Variants in ECRG4 observed in about 807,000 individuals in gnomAD.
The protein encoded by ECRG4 is augurin.
Under a neutral mutation model 15.8 loss-of-function variants are expected in ECRG4, and 18 were observed. The ratio of observed to expected loss-of-function variants is 1.14; its 90% CI spans 0.79 to 1.69. The LOEUF (loss-of-function observed/expected upper bound fraction) is 1.69, where lower values mean the gene tolerates loss of function less well. Ranked by LOEUF, ECRG4 falls within the 40% of genes most tolerant of loss-of-function variation. The pLI is 0.00. For missense variants in ECRG4, 200 were observed against 190.9 expected, an observed-to-expected ratio of 1.05 and a Z score of -0.28; for synonymous variants, 82 against 73.9, an observed-to-expected ratio of 1.11 and a Z score of -0.56.
upstream of ECRG4, among the ~76,000 whole-genome samples, chr2:106,065,308 G>A (rs996966572): frequency 4.8e-5 from 7 of 147,160 alleles, no homozygotes; most frequent in African/African-American, 1.5e-4. Flanking sequence ...GGAGGAAGTG[G>A]GGGAGCCAAG....
chr2:106,071,048 T>C (rs1228057843), intron 1 of ECRG4: 1 of 470,850 alleles, frequency 2.1e-6, no homozygotes, highest in South Asian at 1.5e-5. Context: ...GAAACACTTT[T>C]AAAAGTGAAT....
intron 1 of ECRG4, among the ~76,000 whole-genome samples, chr2:106,071,372 AAAAT>A (rs1676369286): frequency 6.8e-6 from 1 of 147,858 alleles, no homozygotes; most frequent in African/African-American, 2.6e-5. Context: ...AAAAGAAAAG[AAAAT>A]AAAAAAAAAA....
Position 106,074,026 on chromosome 2 carries a change from A to G in ECRG4, c.268A>G (p.Met90Val), listed in dbSNP as rs1676429879. Residue 90 changes from methionine to valine, a missense_variant, in exon 3 of 4, where the codon ATG becomes GTG. Physicochemically the swap from Met to Val is conservative, Grantham distance 21 (BLOSUM62 1). Coordinates refer to ENST00000238044, the MANE Select transcript of ECRG4 (RefSeq NM_032411.3). ...GCAGTGGTACCAGCAGTTTCTCTAC[A>G]TGGGCTTTGACGAAGCGGTAGGTGT... ...VQQWYQQFLYMGFDEAKFEDD... is the reference protein window; with the variant it reads ...VQQWYQQFLYVGFDEAKFEDD... 6.2e-7 allele frequency: 1 copy of G among 1,613,078 alleles called. No individual in the cohort carries two copies. Among genetic ancestry groups the G allele is most frequent in the African/African-American group, 1.3e-5 (1 of 74,920 alleles).
In ECRG4 at chr2:106,071,896, A is replaced by T. The variant is rs763269763; in HGVS notation, c.127+5A>T. 6 of 1,610,840 alleles carry T rather than the reference A, an allele frequency of 3.7e-6. No homozygotes were observed. In the Middle Eastern group the frequency reaches 6.6e-4, roughly 177 times the overall value. On this transcript the variant is annotated splice_donor_5th_base_variant and intron_variant, in intron 2 of 3. Transcript: ENST00000238044. ...TGATGCTTCAAAAACGAGAAGGTAAATATACCCCAAATGGATAAGGGATGC... is the reference window on the plus strand; with the variant it reads ...TGATGCTTCAAAAACGAGAAGGTAATTATACCCCAAATGGATAAGGGATGC...
intron 1 of ECRG4, among the ~76,000 whole-genome samples, chr2:106,067,127 C>T (rs1452033673): frequency 1.6e-5 from 2 of 127,258 alleles, no homozygotes; most frequent in East Asian, 5.3e-4. Context: ...CATGGAGAAA[C>T]CCCGTCTCTA....
intron 3 of ECRG4, among the ~76,000 whole-genome samples, chr2:106,074,603 CAA>C (rs2104798094): frequency 6.6e-6 from 1 of 152,338 alleles, no homozygotes; most frequent in South Asian, 2.1e-4. Flanking sequence ...GAATGAAAGA[CAA>C]AGAGTTTATG....
rs1015609470 is a variant in ECRG4 at position 106,077,819 on chromosome 2, T to C, written c.340T>C (p.Tyr114His). 1.2e-6 allele frequency: 2 copies of C among 1,614,008 alleles called. No individual in the cohort carries two copies. The highest frequency in any genetic ancestry group is 1.3e-5 in the African/African-American group (1 of 74,910). The change falls in exon 4 of 4, where the codon TAC becomes CAC. Residue 114 changes from tyrosine to histidine, a missense_variant. Physicochemically the swap from Tyr to His is moderately conservative, Grantham distance 83. Coordinates refer to ENST00000238044, the MANE Select transcript of ECRG4 (RefSeq NM_032411.3). ...TAACAGAGATCGAAATGGACATGAA[T>C]ACTATGGCGATTACTACCAACGTCA... ...WLNRDRNGHE[Y>H]YGDYYQRHYD... is the part of the protein sequence containing the mutation.
At chr2:106,066,386 C>A (rs1365139023) in intron 1 of ECRG4, among the ~76,000 whole-genome samples, 2 of 152,182 alleles carry the variant, frequency 1.3e-5, no homozygotes, top group African/African-American at 4.8e-5. Context: ...GAGCTCCCAG[C>A]GAATCGGTTG....
chr2:106,076,418 G>A (rs995726227), intron 3 of ECRG4, among the ~76,000 whole-genome samples: 4 of 152,212 alleles, frequency 2.6e-5, no homozygotes, highest in African/African-American at 4.8e-5. Flanking sequence ...AGCAAAACTA[G>A]AGATGGAGCC....
chr2:106,067,866 A>T (rs1573358318), intron 1 of ECRG4, among the ~76,000 whole-genome samples: 1 of 147,016 alleles, frequency 6.8e-6, no homozygotes, highest in South Asian at 2.2e-4. Flanking sequence ...ACAGGGTCTC[A>T]CTTTGTTGCC....
At chr2:106,071,669 G>C (rs1479780715) in intron 1 of ECRG4, among the ~76,000 whole-genome samples, 175 bp from the exon 2 acceptor site, 1 of 152,198 alleles carries the variant, frequency 6.6e-6, no homozygotes, top group Non-Finnish European at 1.5e-5. Context: ...TGGGCAGCCT[G>C]AATTGTTTGT....
intron 3 of ECRG4, 68 bp downstream of exon 3, chr2:106,074,111 G>A (rs572741993): frequency 2.7e-5 from 42 of 1,566,864 alleles, no homozygotes; most frequent in South Asian, 3.4e-5. Flanking sequence ...GGCCTGGCTC[G>A]GGGAAATAGG....
At chr2:106,074,886 GA>G (rs1408531374) in intron 3 of ECRG4, among the ~76,000 whole-genome samples, 4 of 152,084 alleles carry the variant, frequency 2.6e-5, no homozygotes, top group African/African-American at 4.8e-5. Flanking sequence ...AGTAGGTGAA[GA>G]AAAAAACTAA....
At chr2:106,063,879 C>G (rs1432090715), upstream of ECRG4, among the ~76,000 whole-genome samples, 2 of 152,138 alleles carry the variant, frequency 1.3e-5, no homozygotes, top group Non-Finnish European at 2.9e-5. Flanking sequence ...ACCATGATCC[C>G]CCTTAAGTGA....
upstream of ECRG4, among the ~76,000 whole-genome samples, chr2:106,063,776 T>C (rs1676149362): frequency 1.3e-5 from 2 of 152,126 alleles, no homozygotes; most frequent in South Asian, 4.1e-4. Flanking sequence ...GAGAGGGAGT[T>C]TCACCATGTT....
chr2:106,066,335 A>G (rs931260894), intron 1 of ECRG4, among the ~76,000 whole-genome samples: 6 of 152,182 alleles, frequency 3.9e-5, no homozygotes, highest in Non-Finnish European at 8.8e-5. Context: ...GAGAGGGGAA[A>G]GGCTCTTAAA....
chr2:106,071,124 G>A (rs1676356427), intron 1 of ECRG4: 2 of 421,476 alleles, frequency 4.7e-6, no homozygotes, highest in Non-Finnish European at 9.6e-6. Context: ...CTACAAAACT[G>A]GGCTGCACTT....
At chr2:106,074,835 TG>T (rs1476021589) in intron 3 of ECRG4, among the ~76,000 whole-genome samples, 3 of 152,186 alleles carry the variant, frequency 2.0e-5, no homozygotes, top group South Asian at 2.1e-4. Context: ...TTTTTCAAAA[TG>T]GGCACATGAT....
intron 2 of ECRG4, 169 bp from the exon 3 acceptor site, chr2:106,073,717 C>A: frequency 1.3e-6 from 1 of 783,798 alleles, no homozygotes; most frequent in South Asian, 1.6e-5. Flanking sequence ...AGCATGGTGA[C>A]AGAATCTACG....
Sources: gnomAD v4.1 joint callset for allele counts (sites outside exome capture counted in the v4.1 genomes callset) on GRCh38, gnomAD v4.1.1 for gene constraint, MANE v1.5 for transcripts, NCBI Gene and HGNC (gene_info 2026-07-23, HGNC 2026-07-21) for gene names.